CPA6: variants seen among roughly 807,000 people sequenced by gnomAD.
The protein encoded by CPA6 is carboxypeptidase A6, also known as carboxypeptidase B.
CPA6 carries 58 observed loss-of-function variants against 63.3 expected under a neutral mutation model. The ratio of observed to expected loss-of-function variants is 0.92; its 90% confidence interval spans 0.74 to 1.14. CPA6 has a LOEUF of 1.14. Ranked by LOEUF, CPA6 falls within the 50% of genes most tolerant of loss-of-function variation. CPA6 has a pLI of 0.00. For synonymous variants in CPA6, 185 were observed against 179.0 expected (o/e 1.03, Z -0.27); for missense variants, 565 against 526.6 (o/e 1.07, Z -0.71).
At chr8:67,730,046 A>G (rs1287048679) in intron 1 of CPA6, among the ~76,000 whole-genome samples, 2 of 152,232 alleles carry the variant, frequency 1.3e-5, no homozygotes, top group Non-Finnish European at 2.9e-5. Flanking sequence ...TCCCCCAACA[A>G]GCAATTCTCT....
At chr8:67,722,688 C>A (rs1817524271) in intron 1 of CPA6, among the ~76,000 whole-genome samples, 2 of 152,022 alleles carry the variant, frequency 1.3e-5, no homozygotes, top group African/African-American at 4.8e-5. Context: ...CCTATGATAC[C>A]CTTATTTCAG....
intron 8 of CPA6, among the ~76,000 whole-genome samples, chr8:67,481,570 T>C (rs1811362000): frequency 6.6e-6 from 1 of 152,258 alleles, no homozygotes; most frequent in Non-Finnish European, 1.5e-5. Flanking sequence ...TTTCATGTTC[T>C]GCTCTTTAAT....
rs143038025 is a variant in CPA6 at position 67,641,664 on chromosome 8, T to C, written c.117-17413A>G. ...AGCAGCAAAGTACTCAACACTTTTC[T>C]TCAAAGTCAAGAATAAGAAAAGGAT... On this transcript the variant is annotated intron_variant, in intron 1 of 10. Coordinates refer to ENST00000297770, the MANE Select transcript of CPA6 (RefSeq NM_020361.5). Among the ~76,000 whole-genome samples, 1,343 of 152,296 alleles carry C rather than the reference T, an allele frequency of 8.8e-3. 20 individuals carry two copies. The highest frequency in any genetic ancestry group is 0.031 in the African/African-American group (1,271 of 41,556).
Position 67,509,557 on chromosome 8 carries a change from A to G in CPA6, c.494T>C (p.Ile165Thr), listed in dbSNP as rs1487624789. ...THSGLIHMFS[I>T]GRSYEGRSLF... is the part of the protein sequence containing the mutation. Reference sequence around the variant, plus strand: ...AGATCTTCCCTCATATGATCTTCCAATAGAGAACATGTGAATGAGGCCTGA... The same window carrying G: ...AGATCTTCCCTCATATGATCTTCCAGTAGAGAACATGTGAATGAGGCCTGA... The change falls in exon 5 of 11, where the codon ATT becomes ACT. Residue 165 changes from isoleucine (I) to threonine (T), a missense_variant. By Grantham distance (89) the Ile-to-Thr change is moderately conservative (BLOSUM62 -1). Transcript: ENST00000297770. 6.3e-6 allele frequency: 10 copies of G among 1,597,258 alleles called. No homozygotes were observed. Among genetic ancestry groups the G allele is most frequent in the African/African-American group, 2.7e-5 (2 of 74,388 alleles).
chr8:67,694,946 C>A (rs1354521120), intron 1 of CPA6, among the ~76,000 whole-genome samples: 1 of 151,890 alleles, frequency 6.6e-6, no homozygotes, highest in African/African-American at 2.4e-5. Context: ...TGGTTAGGAG[C>A]TTGGAAGGAA....
intron 8 of CPA6, among the ~76,000 whole-genome samples, chr8:67,465,743 T>A (rs529166608): frequency 2.3e-4 from 35 of 152,366 alleles, no homozygotes; most frequent in Admixed American, 2.0e-3. Context: ...TCTGTTTATG[T>A]GGTGAATCAC....
At chr8:67,540,371 T>A (rs1034780809) in intron 2 of CPA6, among the ~76,000 whole-genome samples, 4 of 152,146 alleles carry the variant, frequency 2.6e-5, no homozygotes, top group African/African-American at 7.2e-5. Context: ...TACTCCTTCC[T>A]CTGGAAGCTT....
intron 1 of CPA6, among the ~76,000 whole-genome samples, chr8:67,713,093 GTGTGTGTATATATATA>G (rs1817300143): frequency 1.1e-5 from 1 of 87,990 alleles, no homozygotes; most frequent in East Asian, 4.0e-4. Context: ...ATGTGTGTGT[GTGTGTGTATATATATA>G]TATATATATA....
At chr8:67,662,481 A>G (rs1816135406) in intron 1 of CPA6, among the ~76,000 whole-genome samples, 1 of 149,482 alleles carries the variant, frequency 6.7e-6, no homozygotes, top group Non-Finnish European at 1.5e-5. Flanking sequence ...ATATGTATAT[A>G]TAGAATACAT....
At chr8:67,471,196 T>A (rs1197108656) in intron 8 of CPA6, among the ~76,000 whole-genome samples, 1 of 152,154 alleles carries the variant, frequency 6.6e-6, no homozygotes, top group Admixed American at 6.6e-5. Flanking sequence ...TGACTGTTCC[T>A]TCTGTGTGCA....
At chr8:67,446,868 T>C (rs1277353969) in intron 8 of CPA6, among the ~76,000 whole-genome samples, 1 of 152,156 alleles carries the variant, frequency 6.6e-6, no homozygotes, top group Non-Finnish European at 1.5e-5. Context: ...GTAGTTAACA[T>C]AGTTTACAAA....
At chr8:67,458,317 C>T (rs1379404760) in intron 8 of CPA6, among the ~76,000 whole-genome samples, 2 of 152,198 alleles carry the variant, frequency 1.3e-5, no homozygotes, top group African/African-American at 4.8e-5. Context: ...GTGCCTCACC[C>T]TCCCTGAGTA....
intron 8 of CPA6, chr8:67,452,715 T>C (rs958990622): frequency 3.9e-5 from 6 of 152,056 alleles, no homozygotes; most frequent in Non-Finnish European, 7.4e-5. Flanking sequence ...AAAAGTGCCA[T>C]GGAAACAAGA....
chr8:67,470,373 G>GCCC (rs1563965150), intron 8 of CPA6, among the ~76,000 whole-genome samples: 1 of 151,854 alleles, frequency 6.6e-6, no homozygotes, highest in East Asian at 1.9e-4. Flanking sequence ...GCTTTCTTAC[G>GCCC]CCCCGAGAGA....
chr8:67,719,303 A>C lies in CPA6; in HGVS notation c.116+26711T>G, dbSNP rs1226369240. 2.6e-5 allele frequency among the ~76,000 whole-genome samples: 4 copies of C among 152,278 alleles called. No individual in the cohort carries two copies. The East Asian group carries it at 7.7e-4, about 29-fold the overall frequency. On this transcript the variant is annotated intron_variant, in intron 1 of 10. Coordinates refer to ENST00000297770, the MANE Select transcript of CPA6 (RefSeq NM_020361.5). ...AAATGAGCGGCTGAAGGTCAGGGAC[A>C]ACTCAGGAGGAAAGAATGAGGGGTA...
intron 2 of CPA6, among the ~76,000 whole-genome samples, chr8:67,614,846 C>T (rs1171202975): frequency 1.3e-5 from 2 of 152,120 alleles, no homozygotes; most frequent in African/African-American, 2.4e-5. Context: ...GGTTGACTTC[C>T]CAATTGGATG....
At chr8:67,636,092 G>A (rs556085263) in intron 1 of CPA6, among the ~76,000 whole-genome samples, 1 of 151,686 alleles carries the variant, frequency 6.6e-6, no homozygotes, top group Non-Finnish European at 1.5e-5. Context: ...TGGTTTGGGG[G>A]TAGATGTGTG....
At chr8:67,685,818 C>G (rs2128996595) in intron 1 of CPA6, among the ~76,000 whole-genome samples, 1 of 152,270 alleles carries the variant, frequency 6.6e-6, no homozygotes, top group South Asian at 2.1e-4. Context: ...TGGTCTTTAA[C>G]TTGACCACTG....
chr8:67,607,106 T>TCC (rs1422674534), intron 2 of CPA6, among the ~76,000 whole-genome samples: 1 of 77,786 alleles, frequency 1.3e-5, no homozygotes, highest in African/African-American at 8.4e-5. Context: ...TTCTTCTTCT[T>TCC]TCCTCCTCCT....
Sources: gnomAD v4.1 joint callset for allele counts (sites outside exome capture counted in the v4.1 genomes callset) on GRCh38, gnomAD v4.1.1 for gene constraint, MANE v1.5 for transcripts, NCBI Gene and HGNC (gene_info 2026-07-23, HGNC 2026-07-21) for gene names.